DMD: variants seen among roughly 807,000 people sequenced by gnomAD.
DMD encodes dystrophin, also known as mutant dystrophin.
Under a neutral mutation model 330.1 loss-of-function variants are expected in DMD, and 63 were observed. The ratio of observed to expected loss-of-function variants is 0.19; its 90% CI spans 0.16 to 0.24. The LOEUF is 0.24. DMD is among the 10% of genes least tolerant of loss of function. The pLI is 1.00. For missense variants in DMD, 3,344 were observed against 2,684.1 expected, an observed-to-expected ratio of 1.25 and a Z score of -5.43; for synonymous variants, 1,223 against 959.8, an observed-to-expected ratio of 1.27 and a Z score of -5.07.
chrX:32,295,609 G>A (rs56306176), intron 42 of DMD, among the ~76,000 whole-genome samples: 1,775 of 112,410 alleles, frequency 0.016, 30 homozygotes, highest in African/African-American at 0.052. Context: ...ACATAAAAAT[G>A]CTTTGTTTAT....
chrX:33,300,862 ACTT>A (rs1249372825), intron 1 of DMD, among the ~76,000 whole-genome samples: 1 of 111,840 alleles, frequency 8.9e-6, no homozygotes, highest in African/African-American at 3.2e-5. Context: ...CCCAATGTAA[ACTT>A]CTATAATCTA....
chrX:31,785,031 TAA>T (rs995654641), intron 50 of DMD, among the ~76,000 whole-genome samples: 1 of 111,767 alleles, frequency 8.9e-6, no homozygotes, highest in Non-Finnish European at 1.9e-5. Context: ...TTGAAGTAAC[TAA>T]AATGTCCATT....
At chrX:32,820,456 A>T (rs754301388) in intron 5 of DMD, among the ~76,000 whole-genome samples, 1,254 of 111,804 alleles carry the variant, frequency 0.011, 16 homozygotes, top group African/African-American at 0.038. Flanking sequence ...ATAAAAAATA[A>T]AAAAATAATA....
chrX:31,474,720 AATAAAATAAAATAAAAT>A (rs2067615892), intron 59 of DMD, among the ~76,000 whole-genome samples: 1 of 100,038 alleles, frequency 1.0e-5, no homozygotes, highest in Non-Finnish European at 2.0e-5. Flanking sequence ...AAAAAAATAA[AATAAAATAAAATAAAAT>A]AAAATAAAAT....
intron 50 of DMD, among the ~76,000 whole-genome samples, chrX:31,802,782 G>A (rs368512435): frequency 1.8e-5 from 2 of 111,684 alleles, no homozygotes; most frequent in African/African-American, 6.5e-5. Context: ...GGAATACAGA[G>A]GAACTTTTTT....
intron 63 of DMD, among the ~76,000 whole-genome samples, chrX:31,249,823 A>T: frequency 9.0e-6 from 1 of 111,202 alleles, no homozygotes; most frequent in Non-Finnish European, 1.9e-5. Context: ...GTATATGATA[A>T]TAATAACTAA....
intron 64 of DMD, among the ~76,000 whole-genome samples, chrX:31,221,999 T>C (rs1199575286): frequency 9.1e-6 from 1 of 110,487 alleles, no homozygotes; most frequent in African/African-American, 3.3e-5. Context: ...GAGACCATCC[T>C]GGCTAACACG....
chrX:33,007,126 A>G (rs767904901), intron 2 of DMD, among the ~76,000 whole-genome samples: 1 of 110,615 alleles, frequency 9.0e-6, no homozygotes, highest in Non-Finnish European at 1.9e-5. Flanking sequence ...TCTAACTTAC[A>G]TTATTTCTGG....
intron 1 of DMD, among the ~76,000 whole-genome samples, chrX:33,222,489 G>A (rs757333425): frequency 5.3e-5 from 6 of 112,333 alleles, no homozygotes; most frequent in Middle Eastern, 4.7e-3. Context: ...TGAACAAGGC[G>A]TGAATGCACA....
chrX:32,879,017 A>AT (rs1344589142), intron 2 of DMD, among the ~76,000 whole-genome samples: 1 of 104,369 alleles, frequency 9.6e-6, no homozygotes, highest in African/African-American at 3.5e-5. Context: ...CAAAAAAAAA[A>AT]CAAAAAACAA....
chrX:32,547,888 A>G (rs777332382), intron 16 of DMD, among the ~76,000 whole-genome samples: 1 of 111,820 alleles, frequency 8.9e-6, no homozygotes, highest in African/African-American at 3.2e-5. Flanking sequence ...TCCTCTTGTT[A>G]AAACTTGTTT....
chrX:31,341,891 G>GCGCGCGCGCACACACACACACACACACA (rs374298104), intron 61 of DMD, among the ~76,000 whole-genome samples: 37 of 98,887 alleles, frequency 3.7e-4, no homozygotes, highest in South Asian at 1.5e-3. Context: ...GTGCGCGCGC[G>GCGCGCGCGCACACACACACACACACACA]CACACACACA....
intron 1 of DMD, among the ~76,000 whole-genome samples, chrX:33,114,579 G>A (rs1291425661): frequency 9.0e-6 from 1 of 111,003 alleles, no homozygotes; most frequent in African/African-American, 3.3e-5. Context: ...TTTAAAATGT[G>A]AGACCAAATC....
chrX:31,571,356 A>C (rs927071626), intron 55 of DMD, among the ~76,000 whole-genome samples: 3 of 108,284 alleles, frequency 2.8e-5, no homozygotes, highest in African/African-American at 1.0e-4. Context: ...CACCTCAGAG[A>C]ATTTTTAATT....
intron 11 of DMD, among the ~76,000 whole-genome samples, chrX:32,643,117 T>A (rs1456600819): frequency 3.6e-5 from 4 of 111,218 alleles, no homozygotes; most frequent in Non-Finnish European, 7.6e-5. Context: ...GTGACAATCA[T>A]CACCACGATC....
At chrX:31,182,443 A>C (rs1283745831) in intron 68 of DMD, among the ~76,000 whole-genome samples, 1 of 112,140 alleles carries the variant, frequency 8.9e-6, no homozygotes, top group Non-Finnish European at 1.9e-5. Flanking sequence ...GGTACAGTTC[A>C]TCTGTAATAC....
chrX:31,552,286 C>A (rs2074535663), intron 55 of DMD, among the ~76,000 whole-genome samples: 1 of 112,054 alleles, frequency 8.9e-6, no homozygotes, highest in Non-Finnish European at 1.9e-5. Flanking sequence ...AATCCTCCCA[C>A]CTCAGCCTCC....
At chrX:33,131,056 TC>T (rs1424466868) in intron 1 of DMD, among the ~76,000 whole-genome samples, 1 of 111,342 alleles carries the variant, frequency 9.0e-6, no homozygotes, top group Non-Finnish European at 1.9e-5. Flanking sequence ...TCTACCTGAC[TC>T]CCTAAACAAG....
chrX:32,719,177 C>T (rs1363251367), intron 7 of DMD, among the ~76,000 whole-genome samples: 1 of 111,771 alleles, frequency 8.9e-6, no homozygotes, highest in Non-Finnish European at 1.9e-5. Flanking sequence ...AAGTATATCT[C>T]AACTTATCAG....
Sources: gnomAD v4.1 joint callset for allele counts (sites outside exome capture counted in the v4.1 genomes callset) on GRCh38, gnomAD v4.1.1 for gene constraint, MANE v1.5 for transcripts, NCBI Gene and HGNC (gene_info 2026-07-23, HGNC 2026-07-21) for gene names.